The following VRK2 variants were observed in gnomAD, a reference collection of about 807,000 sequenced individuals.
VRK2 encodes the protein serine/threonine-protein kinase VRK2.
Under a neutral mutation model 57.6 loss-of-function variants are expected in VRK2, and 60 were observed. The ratio of observed to expected loss-of-function variants is 1.04; its 90% CI spans 0.85 to 1.29. VRK2 has a LOEUF of 1.29. Among genes scored for constraint, VRK2 ranks in the 50% most tolerant of loss-of-function variants. The probability of loss-of-function intolerance (pLI) is 0.00; values close to 1 mark genes in which losing one functional copy is unlikely to be tolerated. For synonymous variants in VRK2, 231 were observed against 199.2 expected (o/e 1.16, Z -1.35); for missense variants, 705 against 588.1 (o/e 1.20, Z -2.06).
chr2:58,148,271 T>C (rs925004261), intron 12 of VRK2, among the ~76,000 whole-genome samples: 5 of 151,910 alleles, frequency 3.3e-5, no homozygotes, highest in African/African-American at 1.2e-4. Context: ...ATTCACCTGA[T>C]GTCTAATTAA....
In VRK2 at chr2:58,142,108, C is replaced by A. The variant is rs547391125; in HGVS notation, c.1023+2276C>A. ...AAGACATTGGACCAGAAAAGGTATACATAAATAAATAAAATGTTACCATCA... is the reference window on the plus strand; with the variant it reads ...AAGACATTGGACCAGAAAAGGTATAAATAAATAAATAAAATGTTACCATCA... On this transcript the variant is annotated intron_variant, in intron 11 of 12. Coordinates refer to ENST00000340157, the MANE Select transcript of VRK2 (RefSeq NM_006296.7). Among the ~76,000 whole-genome samples the A allele has an allele frequency of 2.6e-5, 4 of 151,810 alleles. No individual in the cohort carries two copies. The East Asian group carries it at 7.8e-4, about 29-fold the overall frequency.
intron 11 of VRK2, among the ~76,000 whole-genome samples, chr2:58,142,840 T>C (rs1681542666): frequency 6.6e-6 from 1 of 151,852 alleles, no homozygotes; most frequent in Non-Finnish European, 1.5e-5. Flanking sequence ...CCCACCTTAT[T>C]ATGGTGCTTG....
intron 5 of VRK2, among the ~76,000 whole-genome samples, chr2:58,087,249 G>A (rs1671758551): frequency 6.6e-6 from 1 of 152,106 alleles, no homozygotes; most frequent in Non-Finnish European, 1.5e-5. Flanking sequence ...TCAGATGTCA[G>A]TACTTTGTTG....
At position 57,971,230 on chromosome 2, in the gene VRK2, G is replaced by A. The variant is rs564135258; in HGVS notation, c.-438-54435G>A. Among the ~76,000 whole-genome samples the A allele has an allele frequency of 2.9e-4, 44 of 152,108 alleles. No individual in the cohort carries two copies. In the South Asian group the frequency reaches 8.7e-3, roughly 30 times the overall value. On this transcript the variant is annotated intron_variant, in intron 1 of 15. Transcript: ENST00000417641. Reference sequence around the variant, plus strand: ...GAGGAAATCAGGTGCAAACTTGCAAGAGCCCTCTCCTAGTGGGATAACATA... The same window carrying A: ...GAGGAAATCAGGTGCAAACTTGCAAAAGCCCTCTCCTAGTGGGATAACATA...
intron 1 of VRK2, among the ~76,000 whole-genome samples, chr2:57,994,680 T>A (rs1572754855): frequency 6.6e-6 from 1 of 152,132 alleles, no homozygotes; most frequent in Non-Finnish European, 1.5e-5. Context: ...TAAAAATTAT[T>A]AAAGATCCCA....
At chr2:58,073,777 G>A (rs1397446301) in intron 2 of VRK2, among the ~76,000 whole-genome samples, 1 of 151,778 alleles carries the variant, frequency 6.6e-6, no homozygotes, top group Admixed American at 6.6e-5. Flanking sequence ...ACCAGTCTGA[G>A]TCCCAAAGCT....
chr2:57,985,793 T>C (rs1300205344), intron 1 of VRK2, among the ~76,000 whole-genome samples: 1 of 152,100 alleles, frequency 6.6e-6, no homozygotes, highest in Non-Finnish European at 1.5e-5. Context: ...ACAATAGGAT[T>C]ATCATGTAGA....
chr2:58,032,412 T>C (rs1010009699), intron 2 of VRK2, among the ~76,000 whole-genome samples: 1 of 152,048 alleles, frequency 6.6e-6, no homozygotes, highest in African/African-American at 2.4e-5. Flanking sequence ...GTTCATAAAA[T>C]AGCATGTGTC....
intron 1 of VRK2, among the ~76,000 whole-genome samples, chr2:58,003,994 T>A (rs1673167525): frequency 6.6e-6 from 1 of 152,154 alleles, no homozygotes; most frequent in South Asian, 2.1e-4. Flanking sequence ...AATTCCAGAC[T>A]GCCATTTTGC....
At chr2:58,018,379 C>A (rs1369416284) in intron 1 of VRK2, among the ~76,000 whole-genome samples, 1 of 152,138 alleles carries the variant, frequency 6.6e-6, no homozygotes, top group Non-Finnish European at 1.5e-5. Flanking sequence ...TTTGGTTCAT[C>A]GTACCTTGTT....
chr2:58,046,931 G>A (rs906176745), intron 1 of VRK2, 63 bp downstream of exon 1: 6 of 985,438 alleles, frequency 6.1e-6, no homozygotes, highest in African/African-American at 5.2e-5. Flanking sequence ...TGCCGGAGCC[G>A]CGGCCCCGCT....
At chr2:57,990,256 G>A (rs138467154) in intron 1 of VRK2, among the ~76,000 whole-genome samples, 1 of 152,108 alleles carries the variant, frequency 6.6e-6, no homozygotes, top group African/African-American at 2.4e-5. Flanking sequence ...TCTTGTTTCT[G>A]CAAAGGCTTA....
chr2:57,936,531 G>GTTTTTT (rs539088139), intron 1 of VRK2, among the ~76,000 whole-genome samples: 1 of 134,958 alleles, frequency 7.4e-6, no homozygotes. Flanking sequence ...TTGTTTTTTT[G>GTTTTTT]TTTTTTTTTT....
At chr2:58,134,565 T>G (rs1486697191) in intron 9 of VRK2, among the ~76,000 whole-genome samples, 1 of 144,220 alleles carries the variant, frequency 6.9e-6, no homozygotes, top group Non-Finnish European at 1.5e-5. Context: ...GAGCCGAGAT[T>G]GCGCCACTGC....
chr2:58,127,519 T>C (rs1210510925), intron 8 of VRK2, among the ~76,000 whole-genome samples: 1 of 152,172 alleles, frequency 6.6e-6, no homozygotes, highest in Non-Finnish European at 1.5e-5. Flanking sequence ...TTTCCTGATA[T>C]CCTTTTTGAA....
chr2:58,117,408 G>A (rs1239506587), intron 7 of VRK2, among the ~76,000 whole-genome samples: 2 of 152,134 alleles, frequency 1.3e-5, no homozygotes, highest in East Asian at 3.9e-4. Flanking sequence ...AGATTACAGG[G>A]TGGAGGAGCA....
intron 2 of VRK2, among the ~76,000 whole-genome samples, chr2:58,073,259 C>T (rs1669602187): frequency 6.6e-6 from 1 of 151,940 alleles, no homozygotes; most frequent in Non-Finnish European, 1.5e-5. Flanking sequence ...ACTATGTGAG[C>T]TTGATAAGAA....
At chr2:57,948,136 A>T (rs1454220019) in intron 1 of VRK2, among the ~76,000 whole-genome samples, 1 of 152,172 alleles carries the variant, frequency 6.6e-6, no homozygotes, top group Non-Finnish European at 1.5e-5. Context: ...GCTATACTCA[A>T]ATTCTTTTTA....
chr2:57,947,630 C>T (rs13024025), intron 1 of VRK2, among the ~76,000 whole-genome samples: 2,216 of 152,250 alleles, frequency 0.015, 23 homozygotes, highest in Non-Finnish European at 0.023. Context: ...TTTAGTAACT[C>T]TTAGTTCAAC....
Sources: gnomAD v4.1 joint callset for allele counts (sites outside exome capture counted in the v4.1 genomes callset) on GRCh38, gnomAD v4.1.1 for gene constraint, MANE v1.5 for transcripts, NCBI Gene and HGNC (gene_info 2026-07-23, HGNC 2026-07-21) for gene names.